The following SSBP3 variants were observed in gnomAD, a reference collection of about 807,000 sequenced individuals.
SSBP3 encodes single stranded DNA binding protein 3, also known as single-stranded DNA-binding protein 3.
In SSBP3, 5 loss-of-function variants were observed where a neutral mutation model predicts 69.6. The observed-to-expected ratio is 0.07, with a 90% CI of 0.04 to 0.15. The LOEUF is 0.15. Among genes scored for constraint, SSBP3 ranks in the 10% least tolerant of loss-of-function variants. The probability of loss-of-function intolerance (pLI) is 1.00; values close to 1 mark genes in which losing one functional copy is unlikely to be tolerated. For synonymous variants in SSBP3, 196 were observed against 193.4 expected, an observed-to-expected ratio of 1.01 and a Z score of -0.11; for missense variants, 312 against 534.0, an observed-to-expected ratio of 0.58 and a Z score of 4.10.
chr1:54,276,916 A>G (rs1383873318), intron 5 of SSBP3, among the ~76,000 whole-genome samples: 1 of 152,124 alleles, frequency 6.6e-6, no homozygotes, highest in Non-Finnish European at 1.5e-5. Flanking sequence ...TGCCTCCAGG[A>G]ATGCCCTCCT....
chr1:54,233,593 G>T (rs1342969085), intron 14 of SSBP3, among the ~76,000 whole-genome samples: 3 of 145,272 alleles, frequency 2.1e-5, no homozygotes, highest in Admixed American at 2.0e-4. Context: ...AGGTGGGGGG[G>T]TCAGCCCCCT....
At chr1:54,404,453 C>T (rs1188256511) in intron 3 of SSBP3, 123 bp downstream of exon 3, 7 of 1,205,376 alleles carry the variant, frequency 5.8e-6, no homozygotes, top group Non-Finnish European at 7.3e-6. Flanking sequence ...CGAGGTGCCC[C>T]GCTCTGTGCA....
chr1:54,295,435 A>G (rs1186268218), intron 4 of SSBP3, among the ~76,000 whole-genome samples: 1 of 152,176 alleles, frequency 6.6e-6, no homozygotes, highest in Non-Finnish European at 1.5e-5. Flanking sequence ...ACTCAATACT[A>G]GAAGTTACCA....
At chr1:54,404,745 G>A (rs957223367) in intron 2 of SSBP3, 108 bp from the exon 3 acceptor site, 9 of 1,396,344 alleles carry the variant, frequency 6.4e-6, no homozygotes, top group South Asian at 1.2e-5. Flanking sequence ...ATGCCAAAAG[G>A]TGATAAAAAT....
intron 5 of SSBP3, among the ~76,000 whole-genome samples, chr1:54,277,549 C>G (rs894573759): frequency 6.6e-6 from 1 of 152,214 alleles, no homozygotes; most frequent in Non-Finnish European, 1.5e-5. Context: ...AAGTCATTCA[C>G]CTTTCTGAGT....
intron 4 of SSBP3, among the ~76,000 whole-genome samples, chr1:54,282,071 T>TAATAAA (rs984653416): frequency 8.6e-5 from 13 of 150,656 alleles, no homozygotes; most frequent in African/African-American, 2.9e-4. Context: ...ATAATAATAA[T>TAATAAA]AAAAAAATGG....
At chr1:54,282,162 A>C (rs551441344) in intron 4 of SSBP3, among the ~76,000 whole-genome samples, 38 of 152,336 alleles carry the variant, frequency 2.5e-4, no homozygotes, top group African/African-American at 8.4e-4. Context: ...GGTGCAGAGC[A>C]GGGGTGCATG....
chr1:54,397,944 ATTCTG>A (rs1055199377), intron 4 of SSBP3, among the ~76,000 whole-genome samples: 5 of 152,122 alleles, frequency 3.3e-5, no homozygotes. Context: ...CTTCCGTTCA[ATTCTG>A]TTAAGTTCAT....
chr1:54,320,801 G>A lies in SSBP3; in HGVS notation c.277-39274C>T, dbSNP rs1014320207. On this transcript the variant is annotated intron_variant, in intron 4 of 17. Transcript: ENST00000610401. ...AAGCAGATAGCTTCAATCCACACACGGAAGCTTCTGGGGCTTTCTCGGAAA... is the reference window on the plus strand; with the variant it reads ...AAGCAGATAGCTTCAATCCACACACAGAAGCTTCTGGGGCTTTCTCGGAAA... Among the ~76,000 whole-genome samples the A allele has an allele frequency of 2.0e-5, 3 of 152,256 alleles. 1 individual carries two copies. The highest frequency in any genetic ancestry group is 6.8e-3 in the Middle Eastern group (2 of 294).
chr1:54,283,257 A>G (rs1031505991), intron 4 of SSBP3, among the ~76,000 whole-genome samples: 3 of 137,876 alleles, frequency 2.2e-5, no homozygotes, highest in African/African-American at 8.7e-5. Flanking sequence ...GACAAAAGCA[A>G]AACTCCCCAT....
chr1:54,290,709 G>A (rs564628864), intron 4 of SSBP3, among the ~76,000 whole-genome samples: 34 of 152,310 alleles, frequency 2.2e-4, no homozygotes, highest in African/African-American at 7.9e-4. Flanking sequence ...ATCCCAGCCA[G>A]TGCACCCTCC....
chr1:54,386,871 T>C (rs1178358592), intron 4 of SSBP3, among the ~76,000 whole-genome samples: 3 of 151,430 alleles, frequency 2.0e-5, no homozygotes, highest in Non-Finnish European at 2.9e-5. Context: ...CCCATCTTCC[T>C]CCCAAGCAAG....
chr1:54,348,500 C>T (rs1389030462), intron 4 of SSBP3, among the ~76,000 whole-genome samples: 2 of 152,166 alleles, frequency 1.3e-5, no homozygotes, highest in Non-Finnish European at 2.9e-5. Flanking sequence ...CACTGGCTAC[C>T]CACACAGCTG....
chr1:54,230,757 A>G (rs1268103741), intron 14 of SSBP3, among the ~76,000 whole-genome samples: 5 of 152,182 alleles, frequency 3.3e-5, no homozygotes, highest in African/African-American at 1.2e-4. Flanking sequence ...CATGTCATAT[A>G]CATAGAATCA....
chr1:54,303,362 C>T lies in SSBP3; in HGVS notation c.277-21835G>A, dbSNP rs139320438. 2.4e-3 allele frequency among the ~76,000 whole-genome samples: 354 copies of T among 147,062 alleles called. 2 individuals are homozygous for T. The highest frequency in any genetic ancestry group is 8.8e-3 in the African/African-American group (338 of 38,432). On this transcript the variant is annotated intron_variant, in intron 4 of 17. Coordinates refer to ENST00000610401, the Ensembl canonical transcript of SSBP3. ...TGTTCGGGCAGTTTGTTATCAACCC[C>T]GCCTAGACAGTCAGCCCAGGGGGCA... is the stretch of plus-strand genomic sequence containing the variant.
intron 4 of SSBP3, among the ~76,000 whole-genome samples, chr1:54,331,451 T>C (rs1231734841): frequency 1.3e-5 from 2 of 152,186 alleles, no homozygotes; most frequent in Non-Finnish European, 2.9e-5. Context: ...AAACCATGTA[T>C]ACAGCCAACA....
intron 5 of SSBP3, among the ~76,000 whole-genome samples, chr1:54,264,768 T>C (rs1645073298): frequency 6.6e-6 from 1 of 152,218 alleles, no homozygotes; most frequent in African/African-American, 2.4e-5. Flanking sequence ...CCTTTTGTCT[T>C]CACAGAAGGC....
At chr1:54,333,823 C>T (rs1464676731) in intron 4 of SSBP3, among the ~76,000 whole-genome samples, 4 of 152,302 alleles carry the variant, frequency 2.6e-5, no homozygotes, top group African/African-American at 4.8e-5. Context: ...CCAGCTTCTA[C>T]GGCAGCTGAG....
intron 4 of SSBP3, among the ~76,000 whole-genome samples, chr1:54,312,051 T>A (rs893441470): frequency 8.5e-5 from 13 of 152,166 alleles, no homozygotes; most frequent in Non-Finnish European, 2.9e-5. Context: ...AGCTCTGTAG[T>A]ATTTCAAAAG....
Sources: gnomAD v4.1 joint callset for allele counts (sites outside exome capture counted in the v4.1 genomes callset) on GRCh38, gnomAD v4.1.1 for gene constraint, MANE v1.5 for transcripts, NCBI Gene and HGNC (gene_info 2026-07-23, HGNC 2026-07-21) for gene names.